Variants in CHEK2 observed in about 807,000 individuals in gnomAD.
The protein encoded by CHEK2 is serine/threonine-protein kinase Chk2.
A neutral mutation model predicts 69.1 loss-of-function variants in CHEK2; 71 were observed. The ratio of observed to expected loss-of-function variants is 1.03; its 90% CI spans 0.85 to 1.25. CHEK2 has a LOEUF of 1.25. Among genes scored for constraint, CHEK2 ranks in the 50% most tolerant of loss-of-function variants. The probability of loss-of-function intolerance (pLI) is 0.00; values close to 1 mark genes in which losing one functional copy is unlikely to be tolerated. For synonymous variants in CHEK2, 189 were observed against 226.9 expected, an observed-to-expected ratio of 0.83 and a Z score of 1.50; for missense variants, 664 against 649.6, an observed-to-expected ratio of 1.02 and a Z score of -0.24.
intron 4 of CHEK2, among the ~76,000 whole-genome samples, chr22:28,723,526 A>G (rs1375108348): frequency 7.4e-6 from 1 of 135,234 alleles, no homozygotes; most frequent in African/African-American, 2.7e-5. Context: ...TGAACCCGGG[A>G]GGCGGAGCTT....
chr22:28,738,471 C>T (rs1347157595), intron 1 of CHEK2, among the ~76,000 whole-genome samples: 1 of 152,164 alleles, frequency 6.6e-6, no homozygotes, highest in Non-Finnish European at 1.5e-5. Flanking sequence ...CACAACTTCT[C>T]TAAACCTGTT....
At chr22:28,709,919 A>G in intron 7 of CHEK2, 87 bp downstream of exon 7, 1 of 814,492 alleles carries the variant, frequency 1.2e-6, no homozygotes, top group South Asian at 1.5e-5. Flanking sequence ...CCTGGCCAAT[A>G]TTATCTTTAT....
intron 2 of CHEK2, among the ~76,000 whole-genome samples, chr22:28,731,095 C>T (rs2054201110): frequency 6.6e-6 from 1 of 151,834 alleles, no homozygotes. Flanking sequence ...CCCAGCTACT[C>T]AGGAGGCTGA....
At chr22:28,723,552 C>A (rs1287115801) in intron 4 of CHEK2, among the ~76,000 whole-genome samples, 2 of 134,616 alleles carry the variant, frequency 1.5e-5, no homozygotes, top group Non-Finnish European at 3.1e-5. Flanking sequence ...GAGCCGAGAT[C>A]GCGCCACTGC....
At chr22:28,703,650 G>A (rs1326907040) in intron 7 of CHEK2, 84 bp from the exon 8 acceptor site, 6 of 865,900 alleles carry the variant, frequency 6.9e-6, no homozygotes, top group Non-Finnish European at 9.4e-6. Context: ...CTGCCCAGAG[G>A]GACAGGGAGG....
At chr22:28,724,444 T>C (rs1321422536) in intron 4 of CHEK2, 1 of 195,906 alleles carries the variant, frequency 5.1e-6, no homozygotes, top group African/African-American at 2.4e-5. Context: ...AAAAAAACAG[T>C]ATATGGCATT....
chr22:28,695,411 CT>C (rs2052534161), intron 11 of CHEK2, among the ~76,000 whole-genome samples, 169 bp from the exon 12 acceptor site: 1 of 152,158 alleles, frequency 6.6e-6, no homozygotes, highest in African/African-American at 2.4e-5. Context: ...AATCCCAGCA[CT>C]TTGGGAGGCC....
rs1437978013 is a variant in CHEK2 at position 28,725,234 on chromosome 22, A to G, written c.444+9T>C. ...AGCTCTCCTAGATACATGGGTATTCATTACCTACCCTGAAAATCCGAAAGT... is the reference window on the plus strand; with the variant it reads ...AGCTCTCCTAGATACATGGGTATTCGTTACCTACCCTGAAAATCCGAAAGT... On this transcript the variant is annotated intron_variant, in intron 3 of 14. Coordinates refer to ENST00000404276, the MANE Select transcript of CHEK2 (RefSeq NM_007194.4). The G allele has an allele frequency of 6.2e-7, 1 of 1,614,116 alleles. No individual in the cohort carries two copies. Among genetic ancestry groups the G allele is most frequent in the Admixed American group, 1.7e-5 (1 of 60,008 alleles).
At chr22:28,694,703 C>G (rs1357631583) in intron 12 of CHEK2, among the ~76,000 whole-genome samples, 1 of 152,154 alleles carries the variant, frequency 6.6e-6, no homozygotes, top group Non-Finnish European at 1.5e-5. Flanking sequence ...TTATAAAATA[C>G]AAGGTAACTA....
intron 8 of CHEK2, among the ~76,000 whole-genome samples, chr22:28,701,189 TG>T (rs1569123661): frequency 1.3e-5 from 2 of 151,914 alleles, no homozygotes; most frequent in Non-Finnish European, 2.9e-5. Context: ...GCTCTCCCAG[TG>T]CTGTGATCAG....
intron 4 of CHEK2, among the ~76,000 whole-genome samples, chr22:28,723,547 G>A (rs1227453416): frequency 3.5e-5 from 5 of 142,220 alleles, no homozygotes; most frequent in Non-Finnish European, 7.5e-5. Context: ...GCAGTGAGCC[G>A]AGATCGCGCC....
chr22:28,711,987 G>C lies in CHEK2; in HGVS notation c.714C>G (p.Phe238Leu), dbSNP rs864622322. 1.2e-6 allele frequency: 2 copies of C among 1,613,470 alleles called. No homozygotes were observed. Among genetic ancestry groups the C allele is most frequent in the South Asian group, 1.1e-5 (1 of 91,064 alleles). Residue 238 changes from phenylalanine (F) to leucine (L), a missense_variant, in exon 6 of 15, where the codon TTC becomes TTG. Physicochemically the swap from Phe to Leu is conservative, Grantham distance 22 (BLOSUM62 0). Coordinates refer to ENST00000404276, the MANE Select transcript of CHEK2 (RefSeq NM_007194.4). ...CTACTTTCTTACATGTTTTCCTCTC[G>C]AAAGCCAGCTTTACCTCTCCACAGG... ...SGACGEVKLAFERKTCKKVAI... is the reference protein window; with the variant it reads ...SGACGEVKLALERKTCKKVAI...
chr22:28,694,232 C>T (rs934241198), intron 12 of CHEK2, 115 bp from the exon 13 acceptor site: 13 of 763,040 alleles, frequency 1.7e-5, no homozygotes, highest in African/African-American at 3.4e-5. Context: ...GAGATCATCA[C>T]GGAGTCAGCA....
rs189426023 is a variant in CHEK2, at chr22:28,730,629, G to A, written c.319+3774C>T. On this transcript the variant is annotated intron_variant, in intron 2 of 14. Coordinates refer to ENST00000404276, the MANE Select transcript of CHEK2 (RefSeq NM_007194.4). ...TCCCAGCACTTTGGGAGGCCGAGGCGGGTGGATCACCCGAGGGCAGGAGTT... is the reference window on the plus strand; with the variant it reads ...TCCCAGCACTTTGGGAGGCCGAGGCAGGTGGATCACCCGAGGGCAGGAGTT... The A allele has an allele frequency of 7.6e-3, 4,167 of 546,726 alleles. 32 individuals are homozygous for A. Among genetic ancestry groups the A allele is most frequent in the African/African-American group, 0.015 (783 of 52,934 alleles). 33.9% of individuals were successfully genotyped at this position (546,726 alleles called of 1,614,324 possible). A position where few individuals can be genotyped will look rare whatever the true frequency, so the allele number is the denominator to read the frequency against.
At chr22:28,726,471 T>G (rs1419773012) in intron 2 of CHEK2, 2 of 146,654 alleles carry the variant, frequency 1.4e-5, no homozygotes, top group African/African-American at 4.9e-5. Flanking sequence ...TTATATAAAT[T>G]TATTTTATAA....
At chr22:28,740,690 T>C (rs2054530360) in intron 1 of CHEK2, among the ~76,000 whole-genome samples, 1 of 152,166 alleles carries the variant, frequency 6.6e-6, no homozygotes. Context: ...GGGAACTCCA[T>C]ATAGCTCGTG....
intron 1 of CHEK2, among the ~76,000 whole-genome samples, chr22:28,738,755 C>A (rs1008871670): frequency 2.0e-5 from 3 of 152,054 alleles, no homozygotes; most frequent in African/African-American, 7.2e-5. Context: ...AGGGTTTTTA[C>A]GTAAGACCTC....
Position 28,705,292 on chromosome 22 carries a change from C to T in CHEK2, c.847-1726G>A, listed in dbSNP as rs17879071. ...CTTGGTTTCACCATCTTGGCTGGGC[C>T]AGTCTTGAACTCCTGACCTCGTGAT... On this transcript the variant is annotated intron_variant, in intron 7 of 14. Coordinates refer to ENST00000404276, the MANE Select transcript of CHEK2 (RefSeq NM_007194.4). Among the ~76,000 whole-genome samples the T allele has an allele frequency of 4.0e-5, 6 of 151,426 alleles. No individual in the cohort carries two copies. In the East Asian group the frequency reaches 1.2e-3, roughly 30 times the overall value.
chr22:28,701,954 A>ATT (rs35082981), intron 8 of CHEK2, among the ~76,000 whole-genome samples: 30,989 of 145,664 alleles, frequency 0.21, 3,577 homozygotes, highest in South Asian at 0.35. Context: ...CCCATATACT[A>ATT]TTTTTTTTTT....
Sources: gnomAD v4.1 joint callset for allele counts (sites outside exome capture counted in the v4.1 genomes callset) on GRCh38, gnomAD v4.1.1 for gene constraint, MANE v1.5 for transcripts, NCBI Gene and HGNC (gene_info 2026-07-23, HGNC 2026-07-21) for gene names.